Variants in MACROD2 observed in about 807,000 individuals in gnomAD.
The protein encoded by MACROD2 is ADP-ribose glycohydrolase MACROD2.
A neutral mutation model predicts 70.4 loss-of-function variants in MACROD2; 36 were observed. That is an observed-to-expected ratio of 0.51 (90% CI 0.39 to 0.68). The LOEUF (loss-of-function observed/expected upper bound fraction) is 0.68, where lower values mean the gene tolerates loss of function less well. Ranked by LOEUF, MACROD2 falls within the 30% of genes least tolerant of loss-of-function variation. The pLI, the probability that MACROD2 is intolerant of heterozygous loss-of-function variation, is 0.00. For synonymous variants in MACROD2, 172 were observed against 178.8 expected, an observed-to-expected ratio of 0.96 and a Z score of 0.30; for missense variants, 496 against 538.4, an observed-to-expected ratio of 0.92 and a Z score of 0.78.
At chr20:15,659,595 A>G (rs456022) in intron 8 of MACROD2, among the ~76,000 whole-genome samples, 80,977 of 151,654 alleles carry the variant, frequency 0.53, 21,792 homozygotes, top group South Asian at 0.64. Flanking sequence ...GTCTGGAGAT[A>G]TTTTTGTTTT....
chr20:14,259,721 G>A (rs939442122), intron 3 of MACROD2, among the ~76,000 whole-genome samples: 1 of 152,064 alleles, frequency 6.6e-6, no homozygotes, highest in Non-Finnish European at 1.5e-5. Context: ...GTTATTTATG[G>A]TGTGATAAGT....
intron 5 of MACROD2, among the ~76,000 whole-genome samples, chr20:15,217,989 C>G (rs1301253048): frequency 6.6e-6 from 1 of 152,148 alleles, no homozygotes; most frequent in African/African-American, 2.4e-5. Context: ...TTCTCTTCCC[C>G]TCACTGATTC....
At chr20:15,144,128 A>G in intron 5 of MACROD2, among the ~76,000 whole-genome samples, 1 of 152,098 alleles carries the variant, frequency 6.6e-6, no homozygotes. Flanking sequence ...ATTCATGTAT[A>G]TATTTTTAAT....
chr20:14,763,887 T>C (rs1775723552), intron 5 of MACROD2, among the ~76,000 whole-genome samples: 1 of 151,986 alleles, frequency 6.6e-6, no homozygotes, highest in Non-Finnish European at 1.5e-5. Flanking sequence ...CATTAATAGA[T>C]TTAGACTGTC....
chr20:15,737,876 A>ATGGG (rs1160639523), intron 8 of MACROD2, among the ~76,000 whole-genome samples: 5 of 151,904 alleles, frequency 3.3e-5, no homozygotes, highest in African/African-American at 1.2e-4. Flanking sequence ...GGATGGATGG[A>ATGGG]TGGATGGATG....
At chr20:14,265,837 C>T (rs919813419) in intron 3 of MACROD2, among the ~76,000 whole-genome samples, 1 of 146,022 alleles carries the variant, frequency 6.8e-6, no homozygotes, top group Non-Finnish European at 1.5e-5. Context: ...AGTGCAGTGG[C>T]GTGATCTGGG....
intron 9 of MACROD2, among the ~76,000 whole-genome samples, chr20:15,872,192 A>G (rs529351883): frequency 6.6e-6 from 1 of 152,324 alleles, no homozygotes; most frequent in African/African-American, 2.4e-5. Flanking sequence ...AGCTCCTCCA[A>G]TCATATGGTA....
intron 3 of MACROD2, among the ~76,000 whole-genome samples, chr20:14,366,371 CTTT>C (rs57269509): frequency 7.3e-6 from 1 of 137,856 alleles, no homozygotes; most frequent in Non-Finnish European, 1.5e-5. Context: ...TAACTTGTAA[CTTT>C]TTTTTTTTTT....
At chr20:14,129,726 A>G (rs1196900116) in intron 3 of MACROD2, among the ~76,000 whole-genome samples, 1 of 152,184 alleles carries the variant, frequency 6.6e-6, no homozygotes, top group Non-Finnish European at 1.5e-5. Flanking sequence ...AGCAACCACT[A>G]CCTTGATCGG....
At chr20:14,489,561 C>T (rs923585417) in intron 3 of MACROD2, among the ~76,000 whole-genome samples, 2 of 151,988 alleles carry the variant, frequency 1.3e-5, no homozygotes, top group Non-Finnish European at 2.9e-5. Context: ...AAGTTTTTGC[C>T]AACAGTCCTT....
intron 5 of MACROD2, among the ~76,000 whole-genome samples, chr20:14,926,829 G>A (rs144292857): frequency 7.9e-4 from 120 of 152,214 alleles, no homozygotes; most frequent in Middle Eastern, 3.4e-3. Context: ...CAGGGGGTGT[G>A]GGAGCCAAAG....
chr20:14,607,058 C>T (rs193220737), intron 4 of MACROD2, among the ~76,000 whole-genome samples: 29 of 152,198 alleles, frequency 1.9e-4, no homozygotes, highest in East Asian at 1.6e-3. Context: ...GATACCATAT[C>T]TTAATGTCAT....
rs370173121 is a variant in MACROD2, at chr20:15,206,900, C to A, written c.419-23040C>A. 2.3e-4 allele frequency among the ~76,000 whole-genome samples: 35 copies of A among 150,760 alleles called. No homozygotes were observed. In the East Asian group the frequency reaches 4.9e-3, roughly 21 times the overall value. On this transcript the variant is annotated intron_variant, in intron 5 of 17. Coordinates refer to ENST00000684519, the MANE Select transcript of MACROD2 (RefSeq NM_001351661.2). ...TACAGGCGCCCGCCACCGCGCCCGG[C>A]TAATTTTTTGTATTTTTAGTAGAGA...
At position 15,423,943 on chromosome 20, in the gene MACROD2, A is replaced by G. The variant is rs75492197; in HGVS notation, c.541-7462A>G. On this transcript the variant is annotated intron_variant, in intron 6 of 17. Coordinates refer to ENST00000684519, the MANE Select transcript of MACROD2 (RefSeq NM_001351661.2). ...ATCAGGGTGCCAGCATAGTCAGATT[A>G]TGGTGAGAGCCCTCTTTCAGGGCTC... Among the ~76,000 whole-genome samples, 340 of 152,324 alleles carry G rather than the reference A, an allele frequency of 2.2e-3. 1 individual carries two copies. Among genetic ancestry groups the G allele is most frequent in the African/African-American group, 7.8e-3 (325 of 41,592 alleles).
chr20:15,235,240 A>G (rs1488559064), intron 6 of MACROD2, among the ~76,000 whole-genome samples: 2 of 152,226 alleles, frequency 1.3e-5, no homozygotes, highest in Non-Finnish European at 2.9e-5. Context: ...TTTTCCCATG[A>G]AAATAAATAC....
chr20:14,305,424 C>A (rs2082511471), intron 3 of MACROD2, among the ~76,000 whole-genome samples: 1 of 151,748 alleles, frequency 6.6e-6, no homozygotes, highest in Admixed American at 6.6e-5. Context: ...GTGATTAGAA[C>A]CAAAAACACA....
chr20:15,603,384 T>A (rs1020179805), intron 8 of MACROD2, among the ~76,000 whole-genome samples: 3 of 151,642 alleles, frequency 2.0e-5, no homozygotes, highest in African/African-American at 7.3e-5. Context: ...GGTACGCACC[T>A]GTAGTACCAG....
intron 3 of MACROD2, among the ~76,000 whole-genome samples, chr20:14,346,388 T>A (rs551830916): frequency 6.6e-6 from 1 of 152,174 alleles, no homozygotes; most frequent in African/African-American, 2.4e-5. Flanking sequence ...TCTTTTCCCT[T>A]GGCTTCTTTG....
chr20:14,271,504 C>T (rs149816895), intron 3 of MACROD2, among the ~76,000 whole-genome samples: 1,553 of 152,192 alleles, frequency 0.01, 11 homozygotes, highest in Non-Finnish European at 0.015. Context: ...ACATCACCAT[C>T]GTCAAAGAGC....
Sources: gnomAD v4.1 joint callset for allele counts (sites outside exome capture counted in the v4.1 genomes callset) on GRCh38, gnomAD v4.1.1 for gene constraint, MANE v1.5 for transcripts, NCBI Gene and HGNC (gene_info 2026-07-23, HGNC 2026-07-21) for gene names.